Variants in PCDH15 observed in about 807,000 individuals in gnomAD.
The protein encoded by PCDH15 is protocadherin-15.
In PCDH15, 129 loss-of-function variants were observed where a neutral mutation model predicts 178.5. The ratio of observed to expected loss-of-function variants is 0.72; its 90% confidence interval spans 0.63 to 0.84. The LOEUF (loss-of-function observed/expected upper bound fraction) is 0.84. Ranked by LOEUF, PCDH15 falls within the 40% of genes least tolerant of loss-of-function variation. The probability of loss-of-function intolerance (pLI) is 0.00; values close to 1 mark genes in which losing one functional copy is unlikely to be tolerated. For synonymous variants in PCDH15, 800 were observed against 732.0 expected (o/e 1.09, Z -1.50); for missense variants, 2,230 against 2,099.9 (o/e 1.06, Z -1.21).
chr10:55,274,187 T>G (rs1396505643), intron 1 of PCDH15, among the ~76,000 whole-genome samples: 4 of 152,074 alleles, frequency 2.6e-5, no homozygotes, highest in Non-Finnish European at 5.9e-5. Flanking sequence ...GCCAACACAT[T>G]TGAAACAGGG....
At chr10:55,155,870 G>A (rs1238804627) in intron 2 of PCDH15, among the ~76,000 whole-genome samples, 1 of 152,054 alleles carries the variant, frequency 6.6e-6, no homozygotes, top group Non-Finnish European at 1.5e-5. Flanking sequence ...TTGCTGTAAA[G>A]ATCAGCTATT....
intron 26 of PCDH15, among the ~76,000 whole-genome samples, chr10:53,887,508 A>G (rs1417554392): frequency 6.6e-6 from 1 of 152,222 alleles, no homozygotes; most frequent in Admixed American, 6.5e-5. Context: ...ATACATTTCT[A>G]AAATTGTGTC....
intron 2 of PCDH15, among the ~76,000 whole-genome samples, chr10:54,542,408 T>C (rs1039850702): frequency 6.6e-6 from 1 of 152,206 alleles, no homozygotes. Flanking sequence ...TCTTATTCCT[T>C]GTCATGAAGA....
intron 1 of PCDH15, among the ~76,000 whole-genome samples, chr10:54,790,487 C>G (rs1168122323): frequency 1.3e-5 from 2 of 151,756 alleles, no homozygotes; most frequent in African/African-American, 4.8e-5. Context: ...TGAGAAGTCC[C>G]ATGTGCCACA....
intron 3 of PCDH15, among the ~76,000 whole-genome samples, chr10:54,488,500 T>C (rs938070624): frequency 5.3e-5 from 8 of 151,936 alleles, no homozygotes; most frequent in Non-Finnish European, 8.8e-5. Flanking sequence ...TATGTATTCA[T>C]TAGCATAGCT....
intron 2 of PCDH15, among the ~76,000 whole-genome samples, chr10:55,340,910 G>A (rs536072849): frequency 4.6e-5 from 7 of 151,976 alleles, no homozygotes; most frequent in African/African-American, 1.7e-4. Flanking sequence ...TACATCTTAC[G>A]ATTCACATTC....
intron 10 of PCDH15, among the ~76,000 whole-genome samples, chr10:54,201,917 A>T (rs2050272609): frequency 6.6e-6 from 1 of 152,210 alleles, no homozygotes; most frequent in South Asian, 2.1e-4. Flanking sequence ...AGTCTTATGA[A>T]TGGGCCTCAC....
At chr10:54,810,150 T>C (rs1158526995) in intron 3 of PCDH15, among the ~76,000 whole-genome samples, 4 of 152,130 alleles carry the variant, frequency 2.6e-5, no homozygotes, top group African/African-American at 9.7e-5. Context: ...CAAAAATAAA[T>C]AATAAACAGA....
intron 9 of PCDH15, among the ~76,000 whole-genome samples, chr10:54,217,621 G>C (rs2052245460): frequency 6.6e-6 from 1 of 152,110 alleles, no homozygotes; most frequent in Non-Finnish European, 1.5e-5. Flanking sequence ...TTTAAACTCA[G>C]GTTGTAGTTT....
intron 3 of PCDH15, among the ~76,000 whole-genome samples, chr10:54,859,205 C>G (rs1234609955): frequency 6.6e-6 from 1 of 152,040 alleles, no homozygotes; most frequent in Non-Finnish European, 1.5e-5. Flanking sequence ...TTTGTAAAGA[C>G]ACTTTAATAA....
chr10:55,421,249 C>T (rs1838613940), intron 2 of PCDH15, among the ~76,000 whole-genome samples: 1 of 150,514 alleles, frequency 6.6e-6, no homozygotes, highest in Non-Finnish European at 1.5e-5. Flanking sequence ...GAAGATAAGA[C>T]CATAAGATTT....
intron 8 of PCDH15, among the ~76,000 whole-genome samples, chr10:54,255,452 A>G (rs920917248): frequency 6.6e-6 from 1 of 152,182 alleles, no homozygotes; most frequent in African/African-American, 2.4e-5. Flanking sequence ...CTTGTGATGA[A>G]GTGTTTTCAA....
chr10:54,242,183 T>C (rs1419015102), intron 8 of PCDH15, among the ~76,000 whole-genome samples: 22 of 78,174 alleles, frequency 2.8e-4, no homozygotes, highest in African/African-American at 9.2e-4. Flanking sequence ...TATATATATA[T>C]ATATACACAC....
chr10:54,914,917 C>T (rs1437733819), intron 2 of PCDH15, among the ~76,000 whole-genome samples: 1 of 152,198 alleles, frequency 6.6e-6, no homozygotes. Context: ...ATGCCATTCT[C>T]ATGGCAGAGC....
intron 2 of PCDH15, among the ~76,000 whole-genome samples, chr10:55,020,282 C>T (rs1446738001): frequency 6.6e-6 from 1 of 151,020 alleles, no homozygotes; most frequent in East Asian, 1.9e-4. Flanking sequence ...TCCCTTTCTA[C>T]AAATAGCTGA....
At chr10:54,377,090 G>A (rs879897741) in intron 4 of PCDH15, among the ~76,000 whole-genome samples, 3 of 151,688 alleles carry the variant, frequency 2.0e-5, no homozygotes, top group Non-Finnish European at 4.4e-5. Context: ...TAAAAAGTAG[G>A]CCGACAGCAA....
Position 54,846,414 on chromosome 10 carries a change from T to C in PCDH15, c.-29+51036A>G, listed in dbSNP as rs564498828. Reference sequence around the variant, plus strand: ...GAATGAATGATGAATAAAATAATTTTTCTGTCCCAACTTGAAGCTATTCAT... The same window carrying C: ...GAATGAATGATGAATAAAATAATTTCTCTGTCCCAACTTGAAGCTATTCAT... On this transcript the variant is annotated intron_variant, in intron 3 of 5. Transcript: ENST00000458638. Among the ~76,000 whole-genome samples the C allele has an allele frequency of 2.0e-5, 3 of 152,270 alleles. No homozygotes were observed. The South Asian group carries it at 6.2e-4, about 32-fold the overall frequency.
intron 3 of PCDH15, among the ~76,000 whole-genome samples, chr10:54,522,026 T>G (rs900026697): frequency 2.1e-5 from 3 of 141,492 alleles, no homozygotes; most frequent in Non-Finnish European, 4.5e-5. Flanking sequence ...AGGCTGAGCT[T>G]GCAGTGAGCC....
intron 13 of PCDH15, among the ~76,000 whole-genome samples, chr10:54,153,513 G>C (rs2044775630): frequency 6.6e-6 from 1 of 152,024 alleles, no homozygotes; most frequent in African/African-American, 2.4e-5. Context: ...TTTGTTTTTT[G>C]TGAGAGTGAT....
Sources: gnomAD v4.1 joint callset for allele counts (sites outside exome capture counted in the v4.1 genomes callset) on GRCh38, gnomAD v4.1.1 for gene constraint, MANE v1.5 for transcripts, NCBI Gene and HGNC (gene_info 2026-07-23, HGNC 2026-07-21) for gene names.